The following TTC21B variants were observed in gnomAD, a reference collection of about 807,000 sequenced individuals.
TTC21B encodes tetratricopeptide repeat domain 21B.
In TTC21B, 127 loss-of-function variants were observed where a neutral mutation model predicts 175.1. That is an observed-to-expected ratio of 0.73 (90% CI 0.63 to 0.84). The LOEUF is 0.84. Among genes scored for constraint, TTC21B ranks in the 40% least tolerant of loss-of-function variants. The pLI, the probability that TTC21B is intolerant of heterozygous loss-of-function variation, is 0.00. For synonymous variants in TTC21B, 524 were observed against 524.5 expected, an observed-to-expected ratio of 1.00 and a Z score of 0.01; for missense variants, 1,561 against 1,558.3, an observed-to-expected ratio of 1.00 and a Z score of -0.03.
At chr2:165,931,516 C>A (rs939468419) in intron 8 of TTC21B, among the ~76,000 whole-genome samples, 5 of 152,156 alleles carry the variant, frequency 3.3e-5, no homozygotes, top group Non-Finnish European at 5.9e-5. Flanking sequence ...TTTCCTTTGT[C>A]TGGAAGGCAC....
At chr2:165,911,970 C>T (rs894144316) in intron 17 of TTC21B, among the ~76,000 whole-genome samples, 1 of 151,974 alleles carries the variant, frequency 6.6e-6, no homozygotes, top group Non-Finnish European at 1.5e-5. Context: ...TGGCCAACAA[C>T]TAACATTTCT....
intron 4 of TTC21B, among the ~76,000 whole-genome samples, chr2:165,944,482 A>G (rs1687479352): frequency 1.3e-5 from 2 of 152,182 alleles, no homozygotes; most frequent in Admixed American, 1.3e-4. Flanking sequence ...ACAATATTTT[A>G]GTGTAGTGCC....
intron 18 of TTC21B, among the ~76,000 whole-genome samples, chr2:165,909,705 A>C (rs1685864653): frequency 6.6e-6 from 1 of 152,198 alleles, no homozygotes; most frequent in South Asian, 2.1e-4. Flanking sequence ...ATATGTATAT[A>C]AACAAGGACT....
intron 22 of TTC21B, among the ~76,000 whole-genome samples, chr2:165,891,740 T>G (rs1179481665): frequency 6.6e-6 from 1 of 151,854 alleles, no homozygotes; most frequent in African/African-American, 2.4e-5. Flanking sequence ...TTTTTTAGGA[T>G]TGCAAAAATA....
At chr2:165,929,399 G>A in intron 10 of TTC21B, 64 bp from the exon 11 acceptor site, 1 of 1,320,010 alleles carries the variant, frequency 7.6e-7, no homozygotes, top group Non-Finnish European at 1.1e-6. Flanking sequence ...TTTCCACTTA[G>A]ATTTCAAATG....
intron 4 of TTC21B, 58 bp from the exon 5 acceptor site, chr2:165,943,399 T>C (rs2105363519): frequency 7.5e-7 from 1 of 1,330,312 alleles, no homozygotes; most frequent in East Asian, 2.5e-5. Context: ...TAAATGTTAA[T>C]GAAAGAGCCT....
chr2:165,896,714 A>T (rs113766632), intron 22 of TTC21B, among the ~76,000 whole-genome samples: 1,795 of 152,246 alleles, frequency 0.012, 35 homozygotes, highest in African/African-American at 0.041. Flanking sequence ...CAGCAAACAA[A>T]AAGGCTCAAG....
intron 22 of TTC21B, among the ~76,000 whole-genome samples, chr2:165,893,494 A>G (rs749095637): frequency 1.9e-4 from 29 of 152,210 alleles, no homozygotes; most frequent in Admixed American, 3.9e-4. Context: ...ATTAAATTAC[A>G]TTCACTTGTC....
At chr2:165,900,512 G>A (rs1685523856) in intron 20 of TTC21B, among the ~76,000 whole-genome samples, 1 of 152,248 alleles carries the variant, frequency 6.6e-6, no homozygotes, top group Middle Eastern at 3.4e-3. Flanking sequence ...GATCTTGACA[G>A]AGTAAAAACT....
chr2:165,918,713 A>G (rs1686277579), intron 13 of TTC21B, among the ~76,000 whole-genome samples: 1 of 152,188 alleles, frequency 6.6e-6, no homozygotes, highest in Non-Finnish European at 1.5e-5. Context: ...GAGGTAGTTC[A>G]GGAAGCAACT....
In TTC21B at chr2:165,911,454, G is replaced by A. The variant is rs79656636; in HGVS notation, c.2334C>T (p.Tyr778=). ...GTCCAGTTTTCAGAGCAGCTTCATA[G>A]TAAGTGATTGCCTAAACAAAATTCA... ...KTHNYSMAIT[Y]YEAALKTGQK... is the part of the protein sequence containing the mutation. The change falls in exon 18 of 29, where the codon TAC becomes TAT. Residue 778 remains tyrosine, a synonymous_variant. Transcript: ENST00000243344. 4,488 of 1,613,710 alleles carry A rather than the reference G, an allele frequency of 2.8e-3. 119 individuals carry two copies. In the African/African-American group the frequency reaches 0.053, roughly 19 times the overall value.
intron 8 of TTC21B, 95 bp from the exon 9 acceptor site, chr2:165,930,459 T>C (rs2105345031): frequency 1.1e-6 from 1 of 930,618 alleles, no homozygotes; most frequent in Non-Finnish European, 1.5e-6. Context: ...TTATTTGTAC[T>C]TCAAAGGAGT....
chr2:165,941,042 ACTGT>A lies in TTC21B; in HGVS notation c.691_694del (p.Thr231LeufsTer18). ...ATTACTTAACCTTTGTGCTGTCTCA[ACTGT>A]CTGGTCCCAATCCTGCAAGGCTAGT... On this transcript the variant is annotated frameshift_variant, in exon 6 of 29. Transcript: ENST00000243344. LOFTEE classifies it high-confidence loss of function. 1 of 1,613,934 alleles carries A rather than the reference ACTGT, an allele frequency of 6.2e-7. No individual in the cohort carries two copies. Among genetic ancestry groups the A allele is most frequent in the South Asian group, 1.1e-5 (1 of 91,082 alleles).
At chr2:165,891,031 T>C (rs774719103) in intron 22 of TTC21B, 43 bp from the exon 23 acceptor site, 2 of 1,491,938 alleles carry the variant, frequency 1.3e-6, no homozygotes, top group Non-Finnish European at 9.3e-7. Context: ...CATTTTATAC[T>C]GTTTCTTTTG....
At position 165,899,344 on chromosome 2, in the gene TTC21B, ACT is replaced by A. The variant is rs1414001561; in HGVS notation, c.2868+424_2868+425del. 2.6e-5 allele frequency among the ~76,000 whole-genome samples: 4 copies of A among 152,096 alleles called. No individual in the cohort carries two copies. In the East Asian group the frequency reaches 7.7e-4, roughly 29 times the overall value. Reference sequence around the variant, plus strand: ...ACGTAAAAATAAGAAAAAATAAAAAACTCTATTCAAAACAGACTGTCTTAGAC... The same window carrying A: ...ACGTAAAAATAAGAAAAAATAAAAAACTATTCAAAACAGACTGTCTTAGAC... On this transcript the variant is annotated intron_variant, in intron 21 of 28. Transcript: ENST00000243344.
intron 1 of TTC21B, among the ~76,000 whole-genome samples, chr2:165,951,090 C>T (rs2045692): frequency 0.72 from 110,166 of 152,026 alleles, 43,048 homozygotes; most frequent in Non-Finnish European, 0.87. Flanking sequence ...TCCAGACCCC[C>T]ACAACACATT....
At chr2:165,944,950 A>G (rs868102883) in intron 4 of TTC21B, among the ~76,000 whole-genome samples, 2 of 152,172 alleles carry the variant, frequency 1.3e-5, no homozygotes, top group African/African-American at 2.4e-5. Context: ...CTTAACACTT[A>G]AGCGTGTGAT....
chr2:165,889,961 T>C (rs1340433253), intron 24 of TTC21B, among the ~76,000 whole-genome samples: 1 of 152,136 alleles, frequency 6.6e-6, no homozygotes, highest in Non-Finnish European at 1.5e-5. Flanking sequence ...AAATAACCAT[T>C]GACTAGCAGT....
chr2:165,891,559 C>A lies in TTC21B; in HGVS notation c.2951-571G>T, dbSNP rs1422085874. Among the ~76,000 whole-genome samples the A allele has an allele frequency of 6.0e-5, 9 of 149,634 alleles. No individual in the cohort carries two copies. In the Admixed American group the frequency reaches 6.0e-4, roughly 10 times the overall value. ...GTCCCCATATTTTAATCCTGTTTCA[C>A]CTTCTTCTAAAAAAAATTCATTCAT... On this transcript the variant is annotated intron_variant, in intron 22 of 28. Coordinates refer to ENST00000243344, the MANE Select transcript of TTC21B (RefSeq NM_024753.5).
Sources: allele counts gnomAD v4.1 joint callset (sites outside exome capture counted in the v4.1 genomes callset), GRCh38; gene constraint gnomAD v4.1.1; transcripts MANE v1.5; gene names NCBI Gene and HGNC (gene_info 2026-07-23, HGNC 2026-07-21).